Variants in FGF18 observed in about 807,000 individuals in gnomAD.
The protein encoded by FGF18 is fibroblast growth factor 18.
A neutral mutation model predicts 23.0 loss-of-function variants in FGF18; 5 were observed. That is an observed-to-expected ratio of 0.22 (90% CI 0.11 to 0.46). The LOEUF (loss-of-function observed/expected upper bound fraction) is 0.46. Among genes scored for constraint, FGF18 ranks in the 20% least tolerant of loss-of-function variants. The probability of loss-of-function intolerance (pLI) is 0.99; values close to 1 mark genes in which losing one functional copy is unlikely to be tolerated. For synonymous variants in FGF18, 117 were observed against 118.9 expected, an observed-to-expected ratio of 0.98 and a Z score of 0.10; for missense variants, 180 against 291.6, an observed-to-expected ratio of 0.62 and a Z score of 2.79.
intron 2 of FGF18, 23 bp downstream of exon 2, chr5:171,420,466 C>A: frequency 5.6e-6 from 9 of 1,610,964 alleles, no homozygotes; most frequent in Non-Finnish European, 7.6e-6. Flanking sequence ...CTGACTTTGA[C>A]CTCCTCCCGC....
chr5:171,441,814 A>C (rs186972250), intron 3 of FGF18, among the ~76,000 whole-genome samples: 71 of 152,288 alleles, frequency 4.7e-4, no homozygotes, highest in African/African-American at 1.7e-3. Flanking sequence ...GGTATGTGGC[A>C]GGTGTCCTTC....
At chr5:171,421,250 G>C (rs1458636806) in intron 2 of FGF18, among the ~76,000 whole-genome samples, 1 of 152,216 alleles carries the variant, frequency 6.6e-6, no homozygotes, top group Non-Finnish European at 1.5e-5. Flanking sequence ...AAGGGTTGGG[G>C]GGAGGGAGAG....
At chr5:171,424,607 A>G (rs559528253) in intron 2 of FGF18, among the ~76,000 whole-genome samples, 2 of 152,352 alleles carry the variant, frequency 1.3e-5, no homozygotes, top group South Asian at 2.1e-4. Flanking sequence ...TGGTGGGCCC[A>G]TGGAGTCCTT....
At chr5:171,430,060 GAAT>G (rs772404161) in intron 2 of FGF18, among the ~76,000 whole-genome samples, 2 of 152,176 alleles carry the variant, frequency 1.3e-5, no homozygotes, top group African/African-American at 2.4e-5. Context: ...TGTAAAATGG[GAAT>G]AATAATCGTA....
At chr5:171,437,931 G>T (rs140771502) in intron 3 of FGF18, among the ~76,000 whole-genome samples, 23 of 152,178 alleles carry the variant, frequency 1.5e-4, no homozygotes, top group African/African-American at 5.5e-4. Context: ...GGAAATGGCC[G>T]GCCCCTCACC....
At chr5:171,432,487 C>T (rs1022230508) in intron 2 of FGF18, among the ~76,000 whole-genome samples, 3 of 152,174 alleles carry the variant, frequency 2.0e-5, no homozygotes, top group Admixed American at 6.5e-5. Context: ...CGGCTCATGG[C>T]AACCTCTGCC....
intron 3 of FGF18, among the ~76,000 whole-genome samples, chr5:171,442,107 C>A (rs746205630): frequency 6.6e-6 from 1 of 152,204 alleles, no homozygotes; most frequent in African/African-American, 2.4e-5. Flanking sequence ...CCACCCACAC[C>A]TCACCAACCC....
In FGF18 at chr5:171,420,150, C is replaced by G; in HGVS notation, c.-50C>G. On this transcript the variant is annotated 5_prime_UTR_variant, in exon 1 of 5. Transcript: ENST00000274625. The stretch of plus-strand genomic sequence containing the variant: ...GGCGCCCGGTCCCGGCCGCGCGGAG[C>G]GGACATGTGCAGGCTGGGCTAGGAG... 6.9e-7 allele frequency: 1 copy of G among 1,447,340 alleles called. No individual in the cohort carries two copies. Among genetic ancestry groups the G allele is most frequent in the African/African-American group, 1.5e-5 (1 of 68,288 alleles). The allele number at this position is 1,447,340 out of a possible 1,614,324, so 89.7% of individuals were successfully genotyped here. A position where few individuals can be genotyped will look rare whatever the true frequency, so the allele number is the denominator to read the frequency against.
chr5:171,456,410 A>G lies in FGF18; in HGVS notation c.358-129A>G, dbSNP rs1772581572. The G allele has an allele frequency of 3.5e-6, 3 of 858,852 alleles. No homozygotes were observed. Among genetic ancestry groups the G allele is most frequent in the East Asian group, 5.3e-5 (2 of 37,536 alleles). The allele number at this position is 858,852 out of a possible 1,614,324, so 53.2% of individuals were successfully genotyped here. A position where few individuals can be genotyped will look rare whatever the true frequency, so the allele number is the denominator to read the frequency against. On this transcript the variant is annotated intron_variant, in intron 4 of 4. Coordinates refer to ENST00000274625, the MANE Select transcript of FGF18 (RefSeq NM_003862.3). This position sits in a 1 kb window ranked among gnomAD's most constrained non-coding sequence, Gnocchi z 6.1. ...GAGTTAAGCTCAATCTCTCTCCCCC[A>G]CTGCAAAACTTCATTACAGTTGTCC...
intron 2 of FGF18, among the ~76,000 whole-genome samples, chr5:171,425,071 G>A (rs1051693068): frequency 6.6e-6 from 1 of 152,228 alleles, no homozygotes; most frequent in Non-Finnish European, 1.5e-5. Flanking sequence ...AGACTAGAGG[G>A]GTAATGGGAA....
intron 3 of FGF18, among the ~76,000 whole-genome samples, chr5:171,445,508 G>T (rs988118347): frequency 1.3e-5 from 2 of 151,076 alleles, no homozygotes; most frequent in Non-Finnish European, 2.9e-5. Flanking sequence ...ACAGGTGTGC[G>T]CCACAATGCC....
intron 3 of FGF18, among the ~76,000 whole-genome samples, chr5:171,438,633 C>G (rs1403553428): frequency 6.6e-6 from 1 of 152,082 alleles, no homozygotes; most frequent in Non-Finnish European, 1.5e-5. Context: ...TGTTTCTGTA[C>G]TCCTCCGACC....
At chr5:171,433,429 T>C (rs1411967001) in intron 2 of FGF18, among the ~76,000 whole-genome samples, 3 of 152,044 alleles carry the variant, frequency 2.0e-5, no homozygotes, top group African/African-American at 7.2e-5. Flanking sequence ...AGGCCTGCCC[T>C]TGGGGGAGGG....
chr5:171,456,876 ATTTTT>A lies in FGF18; in HGVS notation c.*72_*76del. 1 of 1,500,596 alleles carries A rather than the reference ATTTTT, an allele frequency of 6.7e-7. No individual in the cohort carries two copies. The highest frequency in any genetic ancestry group is 2.2e-5 in the Admixed American group (1 of 44,476). 93.0% of individuals were successfully genotyped at this position (1,500,596 alleles called of 1,614,324 possible). A position where few individuals can be genotyped will look rare whatever the true frequency, so the allele number is the denominator to read the frequency against. ...TCCCAGAAAACTGCATCAGAGGAATATTTTTACATGAAAAATAAGGAAGAAGCTCT... is the reference window on the plus strand; with the variant it reads ...TCCCAGAAAACTGCATCAGAGGAATAACATGAAAAATAAGGAAGAAGCTCT... On this transcript the variant is annotated 3_prime_UTR_variant, in exon 5 of 5. Transcript: ENST00000274625. This position sits in a 1 kb window ranked among gnomAD's most constrained non-coding sequence, Gnocchi z 6.1.
At chr5:171,421,685 G>C (rs1316128097) in intron 2 of FGF18, among the ~76,000 whole-genome samples, 1 of 152,208 alleles carries the variant, frequency 6.6e-6, no homozygotes, top group African/African-American at 2.4e-5. Flanking sequence ...CCAGGAGAGG[G>C]TTGTTACCCT....
chr5:171,444,364 C>T (rs913347320), intron 3 of FGF18, among the ~76,000 whole-genome samples: 3 of 152,182 alleles, frequency 2.0e-5, no homozygotes, highest in Non-Finnish European at 4.4e-5. Context: ...CTGTGGGACT[C>T]GGTTTTCTCA....
intron 3 of FGF18, among the ~76,000 whole-genome samples, chr5:171,441,066 G>A (rs1407621657): frequency 1.3e-5 from 2 of 152,208 alleles, no homozygotes; most frequent in Middle Eastern, 3.2e-3. Flanking sequence ...GGGGGCTGCC[G>A]TCAGTGGCTC....
At position 171,451,871 on chromosome 5, in the gene FGF18, C is replaced by G. The variant is rs2113365470; in HGVS notation, c.357+2618C>G. ...AGTCCTGGCTGGTCATTCCCTGACC[C>G]CTCTGTCAGCCCACCCACCCCGGAG... On this transcript the variant is annotated intron_variant, in intron 4 of 4. Transcript: ENST00000274625. The surrounding 1 kb of genome is among the most constrained non-coding windows in gnomAD (Gnocchi z 4.5). Among the ~76,000 whole-genome samples the G allele has an allele frequency of 6.6e-6, 1 of 152,318 alleles. No homozygotes were observed. The highest frequency in any genetic ancestry group is 2.1e-4 in the South Asian group (1 of 4,824).
In FGF18 at chr5:171,454,523, T is replaced by C. The variant is rs554158954; in HGVS notation, c.358-2016T>C. Among the ~76,000 whole-genome samples the C allele has an allele frequency of 4.2e-3, 636 of 152,318 alleles. 12 individuals carry two copies. Among genetic ancestry groups the C allele is most frequent in the Admixed American group, 0.031 (469 of 15,294 alleles). The stretch of plus-strand genomic sequence containing the variant: ...CTGGGTCCCACGTGTGTGTCCCAGG[T>C]CTGCCCATGCCTGTTCTGCAGCCTC... On this transcript the variant is annotated intron_variant, in intron 4 of 4. Transcript: ENST00000274625.
Sources: allele counts gnomAD v4.1 joint callset (sites outside exome capture counted in the v4.1 genomes callset), GRCh38; gene constraint gnomAD v4.1.1; non-coding constraint Gnocchi (gnomAD v3.1); transcripts MANE v1.5; gene names NCBI Gene and HGNC (gene_info 2026-07-23, HGNC 2026-07-21).